Variants in DCDC2 observed in about 807,000 individuals in gnomAD.
The protein encoded by DCDC2 is doublecortin domain-containing protein 2.
A neutral mutation model predicts 50.2 loss-of-function variants in DCDC2; 40 were observed. The observed-to-expected ratio is 0.80, with a 90% CI of 0.62 to 1.04. The LOEUF is 1.04. Among genes scored for constraint, DCDC2 ranks in the 50% least tolerant of loss-of-function variants. DCDC2 has a pLI of 0.00. For synonymous variants in DCDC2, 234 were observed against 210.6 expected (o/e 1.11, Z -0.96); for missense variants, 570 against 581.9 (o/e 0.98, Z 0.21).
intron 2 of DCDC2, among the ~76,000 whole-genome samples, chr6:24,320,448 C>T (rs1440391085): frequency 6.6e-6 from 1 of 152,198 alleles, no homozygotes; most frequent in Non-Finnish European, 1.5e-5. Flanking sequence ...TCTACTGCCT[C>T]AGCTTCCCAA....
chr6:24,361,070 A>C (rs941833104), upstream of DCDC2, among the ~76,000 whole-genome samples: 5 of 152,190 alleles, frequency 3.3e-5, no homozygotes, highest in Non-Finnish European at 7.3e-5. Flanking sequence ...TCTGGAGAGA[A>C]ACTTTTTTTT....
At chr6:24,181,075 GCTGT>G (rs1376441326) in intron 8 of DCDC2, among the ~76,000 whole-genome samples, 1 of 152,118 alleles carries the variant, frequency 6.6e-6, no homozygotes, top group Admixed American at 6.6e-5. Flanking sequence ...GTGAGCCTAG[GCTGT>G]TCAAATTTTA....
At chr6:24,186,556 A>G (rs1378077196) in intron 8 of DCDC2, among the ~76,000 whole-genome samples, 1 of 152,198 alleles carries the variant, frequency 6.6e-6, no homozygotes, top group African/African-American at 2.4e-5. Flanking sequence ...ACTGGTCGCC[A>G]TGGTAACAAG....
the DCDC2 span, among the ~76,000 whole-genome samples, chr6:24,364,250 A>G: frequency 6.6e-6 from 1 of 152,166 alleles, no homozygotes; most frequent in South Asian, 2.1e-4. Flanking sequence ...AATTATAAGT[A>G]TAAATTTTTA....
upstream of DCDC2, among the ~76,000 whole-genome samples, chr6:24,358,899 A>AATATATATT (rs1760554364): frequency 4.7e-5 from 1 of 21,498 alleles, no homozygotes; most frequent in Non-Finnish European, 7.3e-5. Flanking sequence ...TTATATATAT[A>AATATATATT]ATATATTATA....
chr6:24,277,160 T>C (rs1763377660), intron 7 of DCDC2, among the ~76,000 whole-genome samples: 2 of 152,222 alleles, frequency 1.3e-5, no homozygotes, highest in African/African-American at 2.4e-5. Flanking sequence ...TCATATCGAC[T>C]TTGAAATAAG....
At chr6:24,238,317 G>T in intron 7 of DCDC2, among the ~76,000 whole-genome samples, 1 of 149,746 alleles carries the variant, frequency 6.7e-6, no homozygotes, top group East Asian at 2.0e-4. Flanking sequence ...ATTATTTTTT[G>T]AGATGGAGTC....
At chr6:24,248,674 T>G (rs62400392) in intron 7 of DCDC2, among the ~76,000 whole-genome samples, 13,040 of 152,152 alleles carry the variant, frequency 0.086, 926 homozygotes, top group African/African-American at 0.2. Context: ...GAAACATCTG[T>G]TTACTACATG....
At chr6:24,243,835 G>C (rs902415161) in intron 7 of DCDC2, among the ~76,000 whole-genome samples, 1 of 152,160 alleles carries the variant, frequency 6.6e-6, no homozygotes, top group African/African-American at 2.4e-5. Flanking sequence ...TGGGAATGGG[G>C]GTTGAGTGAA....
Position 24,301,801 on chromosome 6 carries a change from A to C in DCDC2, c.471T>G (p.Leu157=), listed in dbSNP as rs374456364. ...ACTGATTCAAGGTTTTTCTGGGGAT[A>C]AGGAGGCGAGAAGCTGGGTTTATGA... ...GDLINPASRL[L]IPRKTLNQWD... Residue 157 remains leucine, a synonymous_variant, in exon 4 of 10, where the codon CTT becomes CTG. Transcript: ENST00000378454. The C allele has an allele frequency of 1.1e-5, 17 of 1,614,058 alleles. No homozygotes were observed. In the South Asian group the frequency reaches 1.3e-4, roughly 13 times the overall value.
chr6:24,307,309 T>C (rs1013481216), intron 2 of DCDC2, among the ~76,000 whole-genome samples: 3 of 152,170 alleles, frequency 2.0e-5, no homozygotes, highest in African/African-American at 7.2e-5. Context: ...AAAATTGTAA[T>C]GACCACAAAC....
At chr6:24,229,110 T>C (rs900710994) in intron 7 of DCDC2, among the ~76,000 whole-genome samples, 3 of 152,224 alleles carry the variant, frequency 2.0e-5, no homozygotes, top group African/African-American at 7.2e-5. Flanking sequence ...ACCACAGACT[T>C]GGTGGCTGAA....
At chr6:24,325,399 G>T (rs1417740) in intron 2 of DCDC2, among the ~76,000 whole-genome samples, 79,320 of 148,754 alleles carry the variant, frequency 0.53, 25,336 homozygotes, top group East Asian at 0.69. Flanking sequence ...TGTCTTCCTT[G>T]AAGAATAACC....
upstream of DCDC2, among the ~76,000 whole-genome samples, chr6:24,360,735 C>T (rs1561790345): frequency 1.8e-5 from 2 of 110,050 alleles, no homozygotes; most frequent in South Asian, 7.6e-4. Flanking sequence ...CTGGGTGTTC[C>T]TAACTCATCA....
the DCDC2 span, among the ~76,000 whole-genome samples, chr6:24,364,957 C>T: frequency 1.3e-5 from 2 of 152,142 alleles, no homozygotes; most frequent in East Asian, 3.9e-4. Context: ...GTCACCTTTA[C>T]AATTGGTTTT....
intron 7 of DCDC2, among the ~76,000 whole-genome samples, chr6:24,267,444 A>C (rs566359548): frequency 6.6e-6 from 1 of 152,332 alleles, no homozygotes; most frequent in East Asian, 1.9e-4. Context: ...CTATGTGCCC[A>C]TGAAAATTAA....
At chr6:24,328,671 T>A (rs1026156249) in intron 2 of DCDC2, among the ~76,000 whole-genome samples, 2 of 152,172 alleles carry the variant, frequency 1.3e-5, no homozygotes, top group Non-Finnish European at 2.9e-5. Context: ...TCCACTGAAC[T>A]ACTGATTTTT....
intron 7 of DCDC2, among the ~76,000 whole-genome samples, chr6:24,266,017 C>T (rs1023337795): frequency 6.6e-6 from 1 of 151,674 alleles, no homozygotes; most frequent in Non-Finnish European, 1.5e-5. Context: ...TGCAACAGAA[C>T]AGAGAACCCA....
chr6:24,273,176 A>G (rs1263999510), intron 7 of DCDC2, among the ~76,000 whole-genome samples: 4 of 152,222 alleles, frequency 2.6e-5, no homozygotes, highest in Admixed American at 1.3e-4. Context: ...CAAATAACTC[A>G]GAAATGTAAA....
Sources: gnomAD v4.1 joint callset for allele counts (sites outside exome capture counted in the v4.1 genomes callset) on GRCh38, gnomAD v4.1.1 for gene constraint, MANE v1.5 for transcripts, NCBI Gene and HGNC (gene_info 2026-07-23, HGNC 2026-07-21) for gene names.